Variants in SPATA1 observed in about 807,000 individuals in gnomAD.
The protein encoded by SPATA1 is spermatogenesis-associated protein 1.
SPATA1 carries 57 observed loss-of-function variants against 59.6 expected under a neutral mutation model. The observed-to-expected ratio is 0.96, with a 90% confidence interval of 0.77 to 1.19. The LOEUF (loss-of-function observed/expected upper bound fraction) is 1.19. Ranked by LOEUF, SPATA1 falls within the 50% of genes most tolerant of loss-of-function variation. SPATA1 has a pLI of 0.00. For missense variants in SPATA1, 448 were observed against 480.7 expected (o/e 0.93, Z 0.64); for synonymous variants, 147 against 163.9 (o/e 0.90, Z 0.79).
At chr1:84,509,270 C>T (rs1682428267) in intron 1 of SPATA1, among the ~76,000 whole-genome samples, 2 of 151,378 alleles carry the variant, frequency 1.3e-5, no homozygotes. Flanking sequence ...AATTCATTCA[C>T]CTACAGTGAA....
exon 11 of SPATA1, chr1:84,548,878 C>T (rs1287665775): frequency 6.3e-7 from 1 of 1,589,310 alleles, no homozygotes; most frequent in Admixed American, 1.7e-5. Flanking sequence ...AGATTTGGAA[C>T]TCTACTATAA....
At chr1:84,511,617 A>G (rs887550147) in intron 1 of SPATA1, among the ~76,000 whole-genome samples, 5 of 143,556 alleles carry the variant, frequency 3.5e-5, no homozygotes, top group Admixed American at 3.5e-4. Flanking sequence ...ACTACTATAA[A>G]TGTTTGTGGA....
downstream of SPATA1, among the ~76,000 whole-genome samples, chr1:84,558,316 G>A (rs1446977497): frequency 6.7e-6 from 1 of 149,640 alleles, no homozygotes; most frequent in Non-Finnish European, 1.5e-5. Context: ...TTGAGACGGA[G>A]TCTCGCTCTG....
At chr1:84,563,341 G>T (rs1570471474) in intron 4 of SPATA1, 1 of 1,599,386 alleles carries the variant, frequency 6.3e-7, no homozygotes, top group Non-Finnish European at 8.5e-7. Context: ...TGATCGTTTT[G>T]TAGGGCACCT....
At chr1:84,509,769 AAAAAG>A (rs1442840085) in intron 1 of SPATA1, among the ~76,000 whole-genome samples, 1 of 152,226 alleles carries the variant, frequency 6.6e-6, no homozygotes, top group African/African-American at 2.4e-5. Context: ...CATCTCTCAA[AAAAAG>A]AAAAGAAAAC....
downstream of SPATA1, among the ~76,000 whole-genome samples, chr1:84,558,242 A>G (rs1684506290): frequency 6.6e-6 from 1 of 152,172 alleles, no homozygotes; most frequent in South Asian, 2.1e-4. Context: ...AGATATATCA[A>G]AACATCATCT....
downstream of SPATA1, chr1:84,555,331 G>T: frequency 1.6e-6 from 1 of 611,000 alleles, no homozygotes; most frequent in Non-Finnish European, 2.6e-6. Flanking sequence ...TATTCAAAAA[G>T]GATACAATGA....
chr1:84,560,753 TCC>T (rs1350946460), intron 4 of SPATA1, among the ~76,000 whole-genome samples: 1 of 152,136 alleles, frequency 6.6e-6, no homozygotes, highest in Non-Finnish European at 1.5e-5. Context: ...ATTCCAAAAA[TCC>T]TATGGCACTT....
chr1:84,566,089 ATT>A, exon 5 of SPATA1: 1 of 860,440 alleles, frequency 1.2e-6, no homozygotes, highest in Non-Finnish European at 1.6e-6. Flanking sequence ...AATTATATAT[ATT>A]TTTTACCTTA....
chr1:84,555,349 A>C (rs1684397095), downstream of SPATA1: 1 of 558,290 alleles, frequency 1.8e-6, no homozygotes, highest in Non-Finnish European at 3.0e-6. Context: ...TGAAATAAAA[A>C]TTTTAGGGCA....
chr1:84,516,330 G>A (rs1570391909), exon 2 of SPATA1: 4 of 1,500,704 alleles, frequency 2.7e-6, no homozygotes, highest in African/African-American at 2.9e-5. Context: ...AATTCCAATT[G>A]ATAATTATCC....
chr1:84,533,377 CTT>C (rs1683548721), intron 7 of SPATA1, among the ~76,000 whole-genome samples: 1 of 151,986 alleles, frequency 6.6e-6, no homozygotes, highest in South Asian at 2.1e-4. Flanking sequence ...TTTACACAGT[CTT>C]TTGAAATTAA....
At chr1:84,563,690 A>G in intron 4 of SPATA1, 1 of 1,178,036 alleles carries the variant, frequency 8.5e-7, no homozygotes, top group East Asian at 2.6e-5. Flanking sequence ...GACTCTAAAA[A>G]ATATAATAGA....
exon 13 of SPATA1, chr1:84,554,119 A>T (rs1007764480): frequency 6.6e-6 from 1 of 152,202 alleles, no homozygotes; most frequent in African/African-American, 2.4e-5. Context: ...TCTACAAAAA[A>T]TAAAAATAAA....
At chr1:84,546,638 A>G (rs1468685414) in intron 10 of SPATA1, among the ~76,000 whole-genome samples, 2 of 152,144 alleles carry the variant, frequency 1.3e-5, no homozygotes, top group African/African-American at 4.8e-5. Flanking sequence ...GTCTTCGGGC[A>G]TGCTTTTCCC....
chr1:84,514,362 A>C (rs1682705639), intron 1 of SPATA1, among the ~76,000 whole-genome samples: 1 of 152,244 alleles, frequency 6.6e-6, no homozygotes, highest in Non-Finnish European at 1.5e-5. Context: ...TAGAAGGGAT[A>C]CTATAGGTTG....
intron 2 of SPATA1, among the ~76,000 whole-genome samples, chr1:84,519,473 ATATT>A (rs1283539492): frequency 6.6e-6 from 1 of 152,020 alleles, no homozygotes; most frequent in Non-Finnish European, 1.5e-5. Context: ...ATATATATAA[ATATT>A]TAGTTCAAGA....
At position 84,522,506 on chromosome 1, in the gene SPATA1, TG is replaced by T; in HGVS notation, c.261+1del. ...AAATGCATTGGAAATAATTTAGCTG[TG>T]GTAAGTTTTCTTTTTTTTTCTTTCT... is the stretch of plus-strand genomic sequence containing the variant. On this transcript the variant is annotated frameshift_variant and splice_region_variant, in exon 4 of 13. Coordinates refer to ENST00000490879, the Ensembl canonical transcript of SPATA1. LOFTEE classifies it high-confidence loss of function. 1 of 1,491,178 alleles carries T rather than the reference TG, an allele frequency of 6.7e-7. No individual in the cohort carries two copies. Among genetic ancestry groups the T allele is most frequent in the Non-Finnish European group, 9.0e-7 (1 of 1,111,174 alleles). The allele number at this position is 1,491,178 out of a possible 1,614,324, so 92.4% of individuals were successfully genotyped here. A position where few individuals can be genotyped will look rare whatever the true frequency, so the allele number is the denominator to read the frequency against.
intron 8 of SPATA1, among the ~76,000 whole-genome samples, chr1:84,541,270 G>A (rs1242614008): frequency 6.6e-6 from 1 of 152,042 alleles, no homozygotes; most frequent in African/African-American, 2.4e-5. Flanking sequence ...TTATTTCAAG[G>A]ATGTTTTCTA....
Sources: allele counts gnomAD v4.1 joint callset (sites outside exome capture counted in the v4.1 genomes callset), GRCh38; gene constraint gnomAD v4.1.1; transcripts MANE v1.5; gene names NCBI Gene and HGNC (gene_info 2026-07-23, HGNC 2026-07-21).